TNRC6C: variants seen among roughly 807,000 people sequenced by gnomAD.
The protein encoded by TNRC6C is trinucleotide repeat containing adaptor 6C, also known as trinucleotide repeat-containing gene 6C protein.
TNRC6C carries 20 observed loss-of-function variants against 153.7 expected under a neutral mutation model. That is an observed-to-expected ratio of 0.13 (90% CI 0.09 to 0.19). The LOEUF (loss-of-function observed/expected upper bound fraction) is 0.19. Ranked by LOEUF, TNRC6C falls within the 10% of genes least tolerant of loss-of-function variation. The probability of loss-of-function intolerance (pLI) is 1.00; values close to 1 mark genes in which losing one functional copy is unlikely to be tolerated. For missense variants in TNRC6C, 1,987 were observed against 2,172.0 expected (o/e 0.91, Z 1.69); for synonymous variants, 811 against 841.4 (o/e 0.96, Z 0.63).
At chr17:78,094,285 G>C (rs2073443838) in intron 16 of TNRC6C, among the ~76,000 whole-genome samples, 1 of 151,962 alleles carries the variant, frequency 6.6e-6, no homozygotes, top group African/African-American at 2.4e-5. Flanking sequence ...CTCTGATAAA[G>C]TTTTATCACA....
At chr17:78,077,886 T>C (rs2073112107) in intron 9 of TNRC6C, 1 of 156,130 alleles carries the variant, frequency 6.4e-6, no homozygotes, top group Non-Finnish European at 1.4e-5. Context: ...CCTGAGAGTG[T>C]TGTTTGCCAC....
chr17:78,027,903 G>GTT (rs550690147), intron 1 of TNRC6C, among the ~76,000 whole-genome samples: 25 of 136,540 alleles, frequency 1.8e-4, no homozygotes, highest in Non-Finnish European at 2.7e-4. Context: ...AAACTTGGAG[G>GTT]TTTTTTTTTT....
At chr17:78,005,229 C>A in intron 1 of TNRC6C, 150 bp downstream of exon 3, 1 of 482,340 alleles carries the variant, frequency 2.1e-6, no homozygotes, top group Non-Finnish European at 3.3e-6. Flanking sequence ...TGAAATTCCT[C>A]ATTTATCACT....
At chr17:78,091,476 A>G in exon 14 of TNRC6C, 1 of 1,607,692 alleles carries the variant, frequency 6.2e-7, no homozygotes, top group South Asian at 1.1e-5. Context: ...AACAGCATGG[A>G]CATGACCGGT....
chr17:78,075,669 C>CT lies in TNRC6C; in HGVS notation c.3060+393dup, dbSNP rs150404829. On this transcript the variant is annotated intron_variant, in intron 8 of 19. Transcript: ENST00000301624. The surrounding 1 kb of genome is among the most constrained non-coding windows in gnomAD (Gnocchi z 4.2). ...GGAAAAGGGATTGGAAGTGGTGGGG[C>CT]TTGGGCACCCATCTCTGGCTGGCCC... 0.027 allele frequency among the ~76,000 whole-genome samples: 4,043 copies of CT among 152,202 alleles called. 169 individuals carry two copies. The highest frequency in any genetic ancestry group is 0.091 in the African/African-American group (3,775 of 41,500).
chr17:78,039,741 A>G (rs2072255760), intron 2 of TNRC6C, among the ~76,000 whole-genome samples: 1 of 152,200 alleles, frequency 6.6e-6, no homozygotes, highest in African/African-American at 2.4e-5. Flanking sequence ...AGGCCTAGAA[A>G]TGCCCACTAA....
chr17:78,017,883 C>T (rs2071758506), intron 1 of TNRC6C, among the ~76,000 whole-genome samples: 1 of 152,226 alleles, frequency 6.6e-6, no homozygotes, highest in South Asian at 2.1e-4. Flanking sequence ...CAGACATACT[C>T]TACCTCGCTA....
At chr17:77,970,397 T>C (rs1006242960) in intron 1 of TNRC6C, among the ~76,000 whole-genome samples, 1 of 152,160 alleles carries the variant, frequency 6.6e-6, no homozygotes, top group African/African-American at 2.4e-5. Flanking sequence ...AGGCATGCAC[T>C]ATCATGCCTG....
chr17:77,958,940 CA>C (rs2070836003), upstream of TNRC6C, among the ~76,000 whole-genome samples: 1 of 146,566 alleles, frequency 6.8e-6, no homozygotes, highest in Non-Finnish European at 1.5e-5. Context: ...CAGCCGTCCG[CA>C]GCTGCCACCG....
At chr17:78,016,401 A>C (rs1319401164) in intron 1 of TNRC6C, among the ~76,000 whole-genome samples, 1 of 152,228 alleles carries the variant, frequency 6.6e-6, no homozygotes, top group African/African-American at 2.4e-5. Flanking sequence ...CGGAGGCTGC[A>C]TAAGCTGTGT....
At chr17:78,026,330 C>G (rs1278147102) in intron 1 of TNRC6C, among the ~76,000 whole-genome samples, 1 of 152,164 alleles carries the variant, frequency 6.6e-6, no homozygotes, top group Non-Finnish European at 1.5e-5. Context: ...TCAGAAGCAC[C>G]TAGACTGGCT....
chr17:77,968,346 T>G (rs759293179), intron 1 of TNRC6C, among the ~76,000 whole-genome samples: 7 of 150,538 alleles, frequency 4.6e-5, no homozygotes, highest in East Asian at 1.9e-4. Flanking sequence ...TGTAGTGGGT[T>G]GTTGTTGTTG....
chr17:78,098,874 C>T (rs970986815), intron 17 of TNRC6C, among the ~76,000 whole-genome samples: 22 of 152,208 alleles, frequency 1.4e-4, no homozygotes, highest in Non-Finnish European at 2.2e-4. Context: ...GCCTGCACAG[C>T]GCTTTAGGCT....
intron 1 of TNRC6C, among the ~76,000 whole-genome samples, chr17:78,017,471 C>T (rs2071749714): frequency 6.6e-6 from 1 of 152,202 alleles, no homozygotes; most frequent in Admixed American, 6.5e-5. Flanking sequence ...AGAGTCTGCA[C>T]AGGGTCTCAG....
At chr17:78,051,414 T>C (rs749122103) in exon 3 of TNRC6C, 13 of 1,545,198 alleles carry the variant, frequency 8.4e-6, no homozygotes, top group Non-Finnish European at 1.7e-6. Context: ...ACCAGGCCGG[T>C]ACTCAGCTGA....
chr17:78,106,976 T>G (rs2073708973), exon 20 of TNRC6C: 1 of 152,046 alleles, frequency 6.6e-6, no homozygotes, highest in Non-Finnish European at 1.5e-5. Flanking sequence ...GGTTCAAGAC[T>G]TTTTTTCTCA....
intron 2 of TNRC6C, among the ~76,000 whole-genome samples, chr17:78,033,458 T>A (rs1194650213): frequency 6.6e-6 from 1 of 151,968 alleles, no homozygotes; most frequent in East Asian, 1.9e-4. Flanking sequence ...TCACCTGAGG[T>A]CGAGAGTTCG....
At chr17:78,094,442 T>C (rs2073447870) in intron 16 of TNRC6C, among the ~76,000 whole-genome samples, 1 of 117,606 alleles carries the variant, frequency 8.5e-6, no homozygotes, top group Non-Finnish European at 1.8e-5. Context: ...TTTTGTTTCT[T>C]TTTTTTTTTT....
At chr17:77,963,470 T>C (rs929646215) in intron 1 of TNRC6C, among the ~76,000 whole-genome samples, 1 of 152,260 alleles carries the variant, frequency 6.6e-6, no homozygotes, top group African/African-American at 2.4e-5. Flanking sequence ...GTTTGTTCCA[T>C]TTTTGGAGTT....
Sources: gnomAD v4.1 joint callset for allele counts (sites outside exome capture counted in the v4.1 genomes callset) on GRCh38, gnomAD v4.1.1 for gene constraint, Gnocchi (gnomAD v3.1) non-coding constraint, MANE v1.5 for transcripts, NCBI Gene and HGNC (gene_info 2026-07-23, HGNC 2026-07-21) for gene names.